The following SUGCT variants were observed in gnomAD, a reference collection of about 807,000 sequenced individuals.
SUGCT encodes succinyl-CoA:glutarate-CoA transferase.
In SUGCT, 41 loss-of-function variants were observed where a neutral mutation model predicts 55.0. The observed-to-expected ratio is 0.74, with a 90% CI of 0.58 to 0.97. The LOEUF is 0.97. Among genes scored for constraint, SUGCT ranks in the 50% least tolerant of loss-of-function variants. The pLI, the probability that SUGCT is intolerant of heterozygous loss-of-function variation, is 0.00. For synonymous variants in SUGCT, 187 were observed against 200.4 expected, an observed-to-expected ratio of 0.93 and a Z score of 0.56; for missense variants, 568 against 547.8, an observed-to-expected ratio of 1.04 and a Z score of -0.37.
intron 12 of SUGCT, among the ~76,000 whole-genome samples, chr7:40,582,178 T>C (rs28644197): frequency 0.042 from 6,402 of 151,962 alleles, 444 homozygotes; most frequent in African/African-American, 0.15. Context: ...TACAAAACCA[T>C]TCCATTTTCT....
intron 8 of SUGCT, among the ~76,000 whole-genome samples, chr7:40,290,164 T>A (rs1562650335): frequency 6.6e-6 from 1 of 152,098 alleles, no homozygotes; most frequent in African/African-American, 2.4e-5. Flanking sequence ...ACTTTAAAGT[T>A]CATATGGAAC....
intron 6 of SUGCT, among the ~76,000 whole-genome samples, chr7:40,204,953 T>C (rs1334497287): frequency 7.0e-6 from 1 of 143,170 alleles, no homozygotes; most frequent in East Asian, 2.1e-4. Flanking sequence ...AACTTGTCTC[T>C]TAAAAATAAA....
intron 9 of SUGCT, among the ~76,000 whole-genome samples, chr7:40,423,370 C>T (rs1229972761): frequency 6.6e-6 from 1 of 152,052 alleles, no homozygotes; most frequent in African/African-American, 2.4e-5. Context: ...AAATCATAGA[C>T]TATTTTATAG....
chr7:40,824,047 C>A (rs1792174052), intron 13 of SUGCT, among the ~76,000 whole-genome samples: 1 of 151,984 alleles, frequency 6.6e-6, no homozygotes, highest in African/African-American at 2.4e-5. Flanking sequence ...TAGATTAATG[C>A]AACAATTTAG....
rs745380238 is a variant in SUGCT, at chr7:40,619,006, G to A, written c.1089+122620G>A. Among the ~76,000 whole-genome samples the A allele has an allele frequency of 4.6e-5, 7 of 152,240 alleles. No homozygotes were observed. The South Asian group carries it at 8.3e-4, about 18-fold the overall frequency. Reference sequence around the variant, plus strand: ...TGTTAGAATGTGCTGAAAACCCACCGTCTTTGAGTCACATTCTAACATTCA... The same window carrying A: ...TGTTAGAATGTGCTGAAAACCCACCATCTTTGAGTCACATTCTAACATTCA... On this transcript the variant is annotated intron_variant, in intron 12 of 13. Coordinates refer to ENST00000335693, the MANE Select transcript of SUGCT (RefSeq NM_001193313.2).
intron 7 of SUGCT, among the ~76,000 whole-genome samples, chr7:40,254,247 A>G (rs1562617179): frequency 1.3e-5 from 2 of 152,198 alleles, no homozygotes; most frequent in Admixed American, 1.3e-4. Flanking sequence ...ATACACACAT[A>G]CACAATGAAT....
the SUGCT span, among the ~76,000 whole-genome samples, chr7:40,987,534 T>A: frequency 6.6e-6 from 1 of 152,132 alleles, no homozygotes; most frequent in Non-Finnish European, 1.5e-5. Context: ...ATGTCTCCCA[T>A]GAAAAATACT....
the SUGCT span, among the ~76,000 whole-genome samples, chr7:40,913,817 G>A: frequency 1.1e-3 from 166 of 152,264 alleles, no homozygotes; most frequent in Admixed American, 3.2e-3. Flanking sequence ...GATTACCAAA[G>A]CACAAGAGCC....
intron 12 of SUGCT, among the ~76,000 whole-genome samples, chr7:40,681,056 G>C (rs1784215592): frequency 6.6e-6 from 1 of 152,116 alleles, no homozygotes; most frequent in Non-Finnish European, 1.5e-5. Flanking sequence ...GGGAACCATG[G>C]GGTTTGTGAT....
the SUGCT span, among the ~76,000 whole-genome samples, chr7:41,026,432 G>T: frequency 7.2e-5 from 11 of 152,188 alleles, no homozygotes; most frequent in Non-Finnish European, 1.6e-4. Flanking sequence ...GCAGAAAAAT[G>T]CTGTCCTGCC....
At chr7:40,517,768 T>C (rs1332396048) in intron 12 of SUGCT, among the ~76,000 whole-genome samples, 1 of 152,142 alleles carries the variant, frequency 6.6e-6, no homozygotes, top group Non-Finnish European at 1.5e-5. Flanking sequence ...TCACCACTTA[T>C]GGTTGATTTG....
intron 12 of SUGCT, among the ~76,000 whole-genome samples, chr7:40,565,991 A>ACACACACG (rs766149097): frequency 5.2e-4 from 51 of 98,612 alleles, no homozygotes; most frequent in Middle Eastern, 4.1e-3. Flanking sequence ...ACACACACAC[A>ACACACACG]CGCACACACA....
intron 12 of SUGCT, among the ~76,000 whole-genome samples, chr7:40,732,905 C>T (rs534699091): frequency 2.0e-5 from 3 of 152,228 alleles, no homozygotes; most frequent in African/African-American, 7.2e-5. Context: ...ACCTGGCCAG[C>T]ATGGTGCAAC....
chr7:40,703,026 A>G (rs1258035148), intron 12 of SUGCT, among the ~76,000 whole-genome samples: 1 of 147,216 alleles, frequency 6.8e-6, no homozygotes, highest in East Asian at 2.0e-4. Flanking sequence ...AACAGGAGAA[A>G]TTTGCCTTCT....
rs143565915 is a variant in SUGCT, at chr7:40,392,301, A to T, written c.817-56986A>T. ...AGTATAATAATAATAAAATAAATAC[A>T]TAAAGAATAGTCATAATACAAATTA... On this transcript the variant is annotated intron_variant, in intron 9 of 13. Coordinates refer to ENST00000335693, the MANE Select transcript of SUGCT (RefSeq NM_001193313.2). Among the ~76,000 whole-genome samples, 594 of 152,322 alleles carry T rather than the reference A, an allele frequency of 3.9e-3. 1 individual carries two copies. Among genetic ancestry groups the T allele is most frequent in the Non-Finnish European group, 5.3e-3 (361 of 68,018 alleles).
intron 13 of SUGCT, among the ~76,000 whole-genome samples, chr7:40,758,916 A>G (rs992314258): frequency 6.6e-6 from 1 of 152,052 alleles, no homozygotes; most frequent in African/African-American, 2.4e-5. Flanking sequence ...TGTTCCTAAG[A>G]GCTCTAAATC....
At chr7:40,276,713 G>T (rs975165568) in intron 8 of SUGCT, among the ~76,000 whole-genome samples, 2 of 152,058 alleles carry the variant, frequency 1.3e-5, no homozygotes, top group African/African-American at 4.8e-5. Flanking sequence ...ATCACCATAG[G>T]GCTGCTTCAA....
At chr7:40,533,919 G>A (rs1794223608) in intron 12 of SUGCT, among the ~76,000 whole-genome samples, 2 of 151,464 alleles carry the variant, frequency 1.3e-5, no homozygotes, top group Non-Finnish European at 2.9e-5. Context: ...TAACTTACAG[G>A]TTTGGGAACA....
chr7:40,568,569 G>A (rs1796271000), intron 12 of SUGCT, among the ~76,000 whole-genome samples: 1 of 152,176 alleles, frequency 6.6e-6, no homozygotes. Context: ...ATATAAATGG[G>A]CACCATAGTC....
Sources: gnomAD v4.1 joint callset for allele counts (sites outside exome capture counted in the v4.1 genomes callset) on GRCh38, gnomAD v4.1.1 for gene constraint, MANE v1.5 for transcripts, NCBI Gene and HGNC (gene_info 2026-07-23, HGNC 2026-07-21) for gene names.